RPS6KA5: variants seen among roughly 807,000 people sequenced by gnomAD.
RPS6KA5 encodes ribosomal protein S6 kinase A5.
A neutral mutation model predicts 85.5 loss-of-function variants in RPS6KA5; 27 were observed. The ratio of observed to expected loss-of-function variants is 0.32; its 90% CI spans 0.23 to 0.44. The LOEUF (loss-of-function observed/expected upper bound fraction) is 0.44, where lower values mean the gene tolerates loss of function less well. Ranked by LOEUF, RPS6KA5 falls within the 20% of genes least tolerant of loss-of-function variation. RPS6KA5 has a pLI of 1.00. For missense variants in RPS6KA5, 811 were observed against 980.9 expected (o/e 0.83, Z 2.31); for synonymous variants, 334 against 348.2 (o/e 0.96, Z 0.46).
chr14:91,043,447 T>C (rs1175862846), intron 1 of RPS6KA5, among the ~76,000 whole-genome samples: 1 of 152,236 alleles, frequency 6.6e-6, no homozygotes, highest in Non-Finnish European at 1.5e-5. Flanking sequence ...ATGGGCCTTG[T>C]GGCCAAACTG....
chr14:90,886,737 T>C (rs1277997726), intron 14 of RPS6KA5, among the ~76,000 whole-genome samples: 2 of 152,244 alleles, frequency 1.3e-5, no homozygotes, highest in Non-Finnish European at 2.9e-5. Flanking sequence ...TCAAGCTGCC[T>C]AATTTGTGGT....
intron 1 of RPS6KA5, among the ~76,000 whole-genome samples, chr14:91,016,866 C>CAAAAAA (rs34806962): frequency 1.7e-5 from 2 of 120,798 alleles, no homozygotes; most frequent in Non-Finnish European, 1.8e-5. Flanking sequence ...TCTAAACAGG[C>CAAAAAA]AAAAAAAAAA....
At chr14:90,957,474 T>C (rs116519724) in intron 3 of RPS6KA5, among the ~76,000 whole-genome samples, 1 of 152,334 alleles carries the variant, frequency 6.6e-6, no homozygotes, top group African/African-American at 2.4e-5. Context: ...GAGCAGAACC[T>C]TGGGCATTCG....
rs2033145450 is a variant in RPS6KA5 at position 90,872,051 on chromosome 14, T to C, written c.*23A>G. 6.3e-7 allele frequency: 1 copy of C among 1,595,700 alleles called. No individual in the cohort carries two copies. Among genetic ancestry groups the C allele is most frequent in the African/African-American group, 1.4e-5 (1 of 73,536 alleles). On this transcript the variant is annotated 3_prime_UTR_variant, in exon 17 of 17. Coordinates refer to ENST00000614987, the MANE Select transcript of RPS6KA5 (RefSeq NM_004755.4). Reference sequence around the variant, plus strand: ...GCTGAGGGAATAAAGGTGCAATGGATCACTGATACACTCCTACCATGCCTA... The same window carrying C: ...GCTGAGGGAATAAAGGTGCAATGGACCACTGATACACTCCTACCATGCCTA...
Position 90,894,416 on chromosome 14 carries a change from A to C in RPS6KA5, c.1641T>G (p.Pro547=), listed in dbSNP as rs772929657. 1 of 1,613,468 alleles carries C rather than the reference A, an allele frequency of 6.2e-7. No individual in the cohort carries two copies. Among genetic ancestry groups the C allele is most frequent in the Admixed American group, 1.7e-5 (1 of 59,958 alleles). Residue 547 remains proline, a synonymous_variant, in exon 13 of 17, where the codon CCT becomes CCG. Transcript: ENST00000614987. ...DVGVVHRDLK[P]ENLLFTDEND... Reference sequence around the variant, plus strand: ...AAGAGATCCAGTGATTTTATACCTCAGGTTTCAGATCCCTGTGCACCACTC... The same window carrying C: ...AAGAGATCCAGTGATTTTATACCTCCGGTTTCAGATCCCTGTGCACCACTC...
intron 1 of RPS6KA5, among the ~76,000 whole-genome samples, chr14:91,010,334 G>A (rs1191308200): frequency 1.3e-5 from 2 of 152,094 alleles, no homozygotes; most frequent in Non-Finnish European, 2.9e-5. Context: ...AAGTCAAACA[G>A]CACTGGCTGG....
At chr14:90,941,306 T>C (rs760286127) in intron 5 of RPS6KA5, among the ~76,000 whole-genome samples, 4 of 152,178 alleles carry the variant, frequency 2.6e-5, no homozygotes, top group Non-Finnish European at 5.9e-5. Context: ...GTAGAGAGAT[T>C]TGGCTGGGCC....
chr14:90,949,942 A>C (rs1481889391), intron 3 of RPS6KA5, among the ~76,000 whole-genome samples: 2 of 152,240 alleles, frequency 1.3e-5, no homozygotes. Flanking sequence ...ACATCATAAA[A>C]TAAGTTATTT....
chr14:90,995,421 G>A (rs935224841), intron 2 of RPS6KA5, among the ~76,000 whole-genome samples: 24 of 152,174 alleles, frequency 1.6e-4, no homozygotes, highest in African/African-American at 5.8e-4. Flanking sequence ...CCAATGCTAA[G>A]CCAGAAAAGT....
intron 1 of RPS6KA5, among the ~76,000 whole-genome samples, chr14:91,050,427 TTTTG>T (rs150373696): frequency 0.051 from 7,809 of 152,052 alleles, 549 homozygotes; most frequent in African/African-American, 0.17. Context: ...TTGGCTTGTT[TTTTG>T]TTTGTTTGTT....
chr14:90,940,034 C>T (rs1241129258), intron 5 of RPS6KA5, among the ~76,000 whole-genome samples: 2 of 152,110 alleles, frequency 1.3e-5, no homozygotes, highest in Non-Finnish European at 1.5e-5. Context: ...TGGGTGGAAT[C>T]AGAGGAGCAA....
chr14:91,001,838 C>G (rs2040809301), intron 1 of RPS6KA5, among the ~76,000 whole-genome samples: 1 of 152,084 alleles, frequency 6.6e-6, no homozygotes, highest in South Asian at 2.1e-4. Context: ...GAATTCTAGT[C>G]CTATCCTATA....
intron 15 of RPS6KA5, among the ~76,000 whole-genome samples, chr14:90,874,298 T>C (rs915340877): frequency 2.6e-5 from 4 of 152,170 alleles, no homozygotes; most frequent in Non-Finnish European, 5.9e-5. Context: ...CACAGTGTGT[T>C]AGCAGGCCTG....
chr14:90,891,229 C>A (rs1054994182), intron 13 of RPS6KA5, among the ~76,000 whole-genome samples: 1 of 150,922 alleles, frequency 6.6e-6, no homozygotes. Flanking sequence ...CTTTGGTAAA[C>A]ATGTGTTCAT....
chr14:90,920,285 C>T lies in RPS6KA5; in HGVS notation c.727G>A (p.Val243Ile), dbSNP rs967260755. The change falls in exon 7 of 17, where the codon GTT (valine) becomes ATT (isoleucine). Residue 243 changes from valine to isoleucine, a missense_variant. Physicochemically the swap from Val to Ile is conservative, Grantham distance 29. Transcript: ENST00000614987. ...CCAGTTAGTAATTCATACATTAGAA[C>T]ACCCAAACTCCACCAGTCAACTGCC... ...DKAVDWWSLG[V>I]LMYELLTGAS... 34 of 1,610,586 alleles carry T rather than the reference C, an allele frequency of 2.1e-5. No homozygotes were observed. In the East Asian group the frequency reaches 7.6e-4, roughly 36 times the overall value.
chr14:90,974,037 C>CAAAAACAAAAAAA (rs2039447229), intron 3 of RPS6KA5, among the ~76,000 whole-genome samples: 1 of 61,444 alleles, frequency 1.6e-5, no homozygotes, highest in Non-Finnish European at 2.9e-5. Context: ...GACTCCATCT[C>CAAAAACAAAAAAA]AAAAAAAAAA....
intron 1 of RPS6KA5, among the ~76,000 whole-genome samples, chr14:91,017,224 A>G (rs542411823): frequency 2.0e-5 from 3 of 152,374 alleles, no homozygotes; most frequent in South Asian, 4.1e-4. Context: ...CCAAGCTACC[A>G]TGCCAGGTTG....
At chr14:90,930,379 T>C (rs2036912277) in intron 5 of RPS6KA5, among the ~76,000 whole-genome samples, 1 of 152,158 alleles carries the variant, frequency 6.6e-6, no homozygotes, top group Admixed American at 6.5e-5. Flanking sequence ...ATTAAAAATA[T>C]AAAATATTTC....
At chr14:91,044,695 A>AC in intron 1 of RPS6KA5, among the ~76,000 whole-genome samples, 1 of 152,116 alleles carries the variant, frequency 6.6e-6, no homozygotes, top group South Asian at 2.1e-4. Flanking sequence ...ACATGGTGAA[A>AC]CCCCGTCTGT....
Sources: allele counts gnomAD v4.1 joint callset (sites outside exome capture counted in the v4.1 genomes callset), GRCh38; gene constraint gnomAD v4.1.1; transcripts MANE v1.5; gene names NCBI Gene and HGNC (gene_info 2026-07-23, HGNC 2026-07-21).